The following LRPPRC variants were observed in gnomAD, a reference collection of about 807,000 sequenced individuals.
The protein encoded by LRPPRC is leucine-rich PPR motif-containing protein, mitochondrial.
In LRPPRC, 120 loss-of-function variants were observed where a neutral mutation model predicts 180.3. The ratio of observed to expected loss-of-function variants is 0.67; its 90% CI spans 0.57 to 0.77. The LOEUF (loss-of-function observed/expected upper bound fraction) is 0.77, where lower values mean the gene tolerates loss of function less well. LRPPRC is among the 30% of genes least tolerant of loss of function. The pLI is 0.00. For missense variants in LRPPRC, 2,012 were observed against 1,657.2 expected (o/e 1.21, Z -3.72); for synonymous variants, 723 against 600.0 (o/e 1.21, Z -3.00).
intron 1 of LRPPRC, among the ~76,000 whole-genome samples, chr2:43,983,270 G>T (rs1253604736): frequency 6.6e-6 from 1 of 151,924 alleles, no homozygotes; most frequent in Non-Finnish European, 1.5e-5. Flanking sequence ...TCTCTAACAT[G>T]AAATCTGAGG....
chr2:43,938,254 C>T (rs936136856), intron 23 of LRPPRC, among the ~76,000 whole-genome samples: 5 of 151,460 alleles, frequency 3.3e-5, no homozygotes, highest in South Asian at 2.1e-4. Flanking sequence ...CATAAAACTA[C>T]GTACACTAAT....
chr2:43,977,615 T>A (rs1034258975), intron 3 of LRPPRC, among the ~76,000 whole-genome samples: 9 of 152,170 alleles, frequency 5.9e-5, no homozygotes, highest in African/African-American at 2.2e-4. Flanking sequence ...TATAAAGCAG[T>A]CCTCACATTA....
At chr2:43,888,794 T>G (rs1670367609) in intron 37 of LRPPRC, 138 bp from the exon 38 acceptor site, 1 of 648,436 alleles carries the variant, frequency 1.5e-6, no homozygotes, top group Admixed American at 2.4e-5. Context: ...CAAGCTTCAG[T>G]ACTCCTTCCT....
intron 27 of LRPPRC, among the ~76,000 whole-genome samples, chr2:43,922,081 G>A (rs1328612358): frequency 6.6e-6 from 1 of 152,190 alleles, no homozygotes. Context: ...TGTAATTAAT[G>A]TTTGTTATAG....
intron 1 of LRPPRC, among the ~76,000 whole-genome samples, chr2:43,987,323 G>T (rs151116631): frequency 0.071 from 10,807 of 151,814 alleles, 545 homozygotes; most frequent in South Asian, 0.14. Context: ...GCGAAACCCC[G>T]TCTCTAATAA....
intron 36 of LRPPRC, among the ~76,000 whole-genome samples, 157 bp downstream of exon 36, chr2:43,894,388 A>T (rs973117447): frequency 6.6e-6 from 1 of 152,176 alleles, no homozygotes; most frequent in Non-Finnish European, 1.5e-5. Context: ...TCCAGAACTG[A>T]GTTATTTATA....
At chr2:43,949,891 T>G (rs1330122753) in intron 15 of LRPPRC, among the ~76,000 whole-genome samples, 3 of 152,194 alleles carry the variant, frequency 2.0e-5, no homozygotes, top group Non-Finnish European at 2.9e-5. Flanking sequence ...CAATGTTTTG[T>G]GAAATGTCAC....
intron 25 of LRPPRC, 47 bp downstream of exon 25, chr2:43,934,143 A>C (rs959078707): frequency 9.7e-7 from 1 of 1,032,230 alleles, no homozygotes; most frequent in Admixed American, 1.7e-5. Flanking sequence ...ATTCTAATTA[A>C]GAGTCTAAAT....
intron 11 of LRPPRC, among the ~76,000 whole-genome samples, chr2:43,964,712 ATTT>A (rs967825250): frequency 6.6e-6 from 1 of 152,002 alleles, no homozygotes; most frequent in African/African-American, 2.4e-5. Flanking sequence ...AAAAACTATA[ATTT>A]TTTTTAAAAT....
intron 1 of LRPPRC, among the ~76,000 whole-genome samples, chr2:43,984,721 G>A (rs1674451699): frequency 1.3e-5 from 2 of 152,186 alleles, no homozygotes; most frequent in African/African-American, 4.8e-5. Context: ...GTCCAGGGGT[G>A]ACGGTGGGGC....
chr2:43,980,189 T>C lies in LRPPRC; in HGVS notation c.347-241A>G, dbSNP rs146879602. Among the ~76,000 whole-genome samples, 821 of 152,248 alleles carry C rather than the reference T, an allele frequency of 5.4e-3. 6 individuals carry two copies. Among genetic ancestry groups the C allele is most frequent in the Non-Finnish European group, 8.2e-3 (560 of 68,014 alleles). On this transcript the variant is annotated intron_variant, in intron 2 of 37. Transcript: ENST00000260665. ...ATAAAATCTATGTAATCTGCAAAAC[T>C]CTATCAAATACAAAAATACAAAGAA... is the stretch of plus-strand genomic sequence containing the variant.
intron 15 of LRPPRC, 31 bp downstream of exon 15, chr2:43,950,542 C>T (rs745319190): frequency 1.3e-6 from 2 of 1,586,438 alleles, no homozygotes; most frequent in Non-Finnish European, 1.7e-6. Flanking sequence ...GTTAAAAGCA[C>T]CTTATGATTT....
At chr2:43,929,698 G>C (rs1327931745) in intron 25 of LRPPRC, among the ~76,000 whole-genome samples, 1 of 151,960 alleles carries the variant, frequency 6.6e-6, no homozygotes, top group African/African-American at 2.4e-5. Context: ...GAACAAGGGA[G>C]CAAAAAAGGT....
chr2:43,942,731 G>A (rs1403661656), intron 23 of LRPPRC, among the ~76,000 whole-genome samples: 3 of 151,840 alleles, frequency 2.0e-5, no homozygotes, highest in Non-Finnish European at 2.9e-5. Flanking sequence ...TTTTTCTCCT[G>A]GCATCAACAG....
At chr2:43,937,613 T>C (rs1672322691) in intron 23 of LRPPRC, among the ~76,000 whole-genome samples, 2 of 152,224 alleles carry the variant, frequency 1.3e-5, no homozygotes, top group Admixed American at 1.3e-4. Flanking sequence ...AGAGTACTTA[T>C]GCTACTCAGC....
intron 30 of LRPPRC, among the ~76,000 whole-genome samples, chr2:43,907,769 A>C (rs1398832747): frequency 6.6e-6 from 1 of 152,172 alleles, no homozygotes; most frequent in East Asian, 1.9e-4. Context: ...CCAACTGCAA[A>C]AATTAAACTA....
At chr2:43,910,861 GC>G (rs1197664325) in intron 30 of LRPPRC, among the ~76,000 whole-genome samples, 1 of 152,014 alleles carries the variant, frequency 6.6e-6, no homozygotes, top group Non-Finnish European at 1.5e-5. Flanking sequence ...CTTTCAGGAA[GC>G]ATTTCAGAGG....
At chr2:43,954,553 T>G (rs939428848) in intron 14 of LRPPRC, among the ~76,000 whole-genome samples, 29 of 152,178 alleles carry the variant, frequency 1.9e-4, no homozygotes, top group African/African-American at 6.8e-4. Flanking sequence ...TCTGGAAAAG[T>G]AGTATGGTAG....
At chr2:43,889,043 A>G (rs181737015) in intron 37 of LRPPRC, among the ~76,000 whole-genome samples, 25 of 152,334 alleles carry the variant, frequency 1.6e-4, no homozygotes, top group Non-Finnish European at 1.9e-4. Flanking sequence ...CATGCCGGGC[A>G]CAGTGGCTCA....
Sources: gnomAD v4.1 joint callset for allele counts (sites outside exome capture counted in the v4.1 genomes callset) on GRCh38, gnomAD v4.1.1 for gene constraint, MANE v1.5 for transcripts, NCBI Gene and HGNC (gene_info 2026-07-23, HGNC 2026-07-21) for gene names.